Variants in NPAS3 observed in about 807,000 individuals in gnomAD.
NPAS3 encodes neuronal PAS domain protein 3.
In NPAS3, 14 loss-of-function variants were observed where a neutral mutation model predicts 73.1. That is an observed-to-expected ratio of 0.19 (90% CI 0.13 to 0.30). The LOEUF (loss-of-function observed/expected upper bound fraction) is 0.30. NPAS3 is among the 10% of genes least tolerant of loss of function. NPAS3 has a pLI of 1.00. For synonymous variants in NPAS3, 620 were observed against 541.5 expected (o/e 1.14, Z -2.01); for missense variants, 1,096 against 1,250.0 (o/e 0.88, Z 1.86).
At chr14:33,449,139 G>A (rs2049666494) in intron 4 of NPAS3, among the ~76,000 whole-genome samples, 2 of 152,190 alleles carry the variant, frequency 1.3e-5, no homozygotes, top group African/African-American at 4.8e-5. Flanking sequence ...ACCGAAAAGA[G>A]ACTGCAGGAG....
In NPAS3 at chr14:33,585,494, G is replaced by A. The variant is rs1202890789; in HGVS notation, c.558+25284G>A. On this transcript the variant is annotated intron_variant, in intron 5 of 11. Transcript: ENST00000356141. ...TTCCTCTCCCAAGTGGGGCAAATATGTAAAACTAAGTAACATCTCAAGGAG... is the reference window on the plus strand; with the variant it reads ...TTCCTCTCCCAAGTGGGGCAAATATATAAAACTAAGTAACATCTCAAGGAG... 2.6e-5 allele frequency among the ~76,000 whole-genome samples: 4 copies of A among 152,118 alleles called. No homozygotes were observed. In the East Asian group the frequency reaches 7.7e-4, roughly 29 times the overall value.
At chr14:32,935,318 T>A (rs2035662634), upstream of NPAS3, among the ~76,000 whole-genome samples, 3 of 152,156 alleles carry the variant, frequency 2.0e-5, no homozygotes, top group Admixed American at 2.0e-4. Flanking sequence ...AAGTTTAGGA[T>A]CCTCATCCCT....
At chr14:33,657,284 G>A (rs77279981) in intron 5 of NPAS3, among the ~76,000 whole-genome samples, 9,737 of 152,252 alleles carry the variant, frequency 0.064, 464 homozygotes, top group East Asian at 0.19. Flanking sequence ...CAGGGTCCCA[G>A]AGAGGAGAGA....
intron 2 of NPAS3, among the ~76,000 whole-genome samples, chr14:33,149,514 T>A (rs752256147): frequency 2.0e-5 from 3 of 152,220 alleles, no homozygotes; most frequent in Non-Finnish European, 2.9e-5. Context: ...GCAGTTGATA[T>A]CACAATTTGC....
At chr14:33,756,544 T>C (rs1000240281) in intron 7 of NPAS3, among the ~76,000 whole-genome samples, 1 of 152,194 alleles carries the variant, frequency 6.6e-6, no homozygotes, top group Non-Finnish European at 1.5e-5. Context: ...AATGTCAGAA[T>C]TATATTTTAG....
intron 1 of NPAS3, among the ~76,000 whole-genome samples, chr14:33,039,724 C>T (rs2040288592): frequency 6.6e-6 from 1 of 152,162 alleles, no homozygotes; most frequent in Admixed American, 6.5e-5. Flanking sequence ...TTGTAGTCGT[C>T]TTCTAATTAT....
intron 1 of NPAS3, among the ~76,000 whole-genome samples, chr14:33,039,306 T>G (rs562680136): frequency 6.6e-6 from 1 of 152,200 alleles, no homozygotes; most frequent in Non-Finnish European, 1.5e-5. Flanking sequence ...AGATACATTC[T>G]TGCTACCAAT....
At chr14:33,561,516 C>A (rs979913982) in intron 5 of NPAS3, among the ~76,000 whole-genome samples, 5 of 152,190 alleles carry the variant, frequency 3.3e-5, no homozygotes, top group Admixed American at 2.0e-4. Flanking sequence ...AGAAACCGAG[C>A]TTTTGTTAAC....
chr14:33,131,817 CTG>C (rs2043646509), intron 2 of NPAS3, among the ~76,000 whole-genome samples: 1 of 152,270 alleles, frequency 6.6e-6, no homozygotes, highest in African/African-American at 2.4e-5. Context: ...CCACAATAAA[CTG>C]TGTTATGCAC....
chr14:33,635,082 G>A (rs1595330794), intron 5 of NPAS3, among the ~76,000 whole-genome samples: 1 of 152,300 alleles, frequency 6.6e-6, no homozygotes, highest in South Asian at 2.1e-4. Flanking sequence ...GAAAAGCGGG[G>A]CCCAGGTAAG....
At chr14:33,712,412 G>C (rs1347250183) in intron 6 of NPAS3, among the ~76,000 whole-genome samples, 2 of 152,282 alleles carry the variant, frequency 1.3e-5, no homozygotes, top group African/African-American at 4.8e-5. Flanking sequence ...ATGCAAACAG[G>C]CTTCATACCC....
At chr14:33,691,126 T>C (rs1251746669) in intron 6 of NPAS3, among the ~76,000 whole-genome samples, 7 of 152,222 alleles carry the variant, frequency 4.6e-5, no homozygotes, top group African/African-American at 1.7e-4. Flanking sequence ...ATCAGACAGT[T>C]GTCAATCTGG....
chr14:33,419,018 A>T (rs1312643513), intron 4 of NPAS3, among the ~76,000 whole-genome samples: 1 of 151,980 alleles, frequency 6.6e-6, no homozygotes, highest in Non-Finnish European at 1.5e-5. Context: ...GATACACACA[A>T]AATTAATATG....
At chr14:33,491,848 G>A (rs2051913791) in intron 4 of NPAS3, among the ~76,000 whole-genome samples, 2 of 152,178 alleles carry the variant, frequency 1.3e-5, no homozygotes, top group African/African-American at 4.8e-5. Flanking sequence ...GCTTGTGAGT[G>A]TGTGTATGTG....
intron 4 of NPAS3, among the ~76,000 whole-genome samples, chr14:33,544,825 A>ATATATATAAT: frequency 0.022 from 2,518 of 111,980 alleles, 259 homozygotes; most frequent in African/African-American, 0.089. Context: ...TATATAATAT[A>ATATATATAAT]TATGTGTATA....
At chr14:33,654,315 C>CT (rs1189973859) in intron 5 of NPAS3, among the ~76,000 whole-genome samples, 2 of 152,078 alleles carry the variant, frequency 1.3e-5, no homozygotes, top group African/African-American at 4.8e-5. Flanking sequence ...TGGCTGCCCA[C>CT]TTATCAGGAT....
chr14:33,130,487 G>C (rs1413355784), intron 2 of NPAS3, among the ~76,000 whole-genome samples: 1 of 152,160 alleles, frequency 6.6e-6, no homozygotes, highest in African/African-American at 2.4e-5. Flanking sequence ...AATTAAGCAT[G>C]ATTAATCATT....
At chr14:33,144,434 C>G (rs1037172793) in intron 2 of NPAS3, among the ~76,000 whole-genome samples, 2 of 152,232 alleles carry the variant, frequency 1.3e-5, no homozygotes, top group Admixed American at 6.5e-5. Flanking sequence ...ACGTTTTCAT[C>G]AGTTGCTGAG....
intron 7 of NPAS3, among the ~76,000 whole-genome samples, chr14:33,746,560 A>G (rs939006595): frequency 6.6e-6 from 1 of 150,662 alleles, no homozygotes; most frequent in African/African-American, 2.4e-5. Flanking sequence ...TATTTGTAAC[A>G]CTATTATTCT....
Sources: allele counts gnomAD v4.1 joint callset (sites outside exome capture counted in the v4.1 genomes callset), GRCh38; gene constraint gnomAD v4.1.1; transcripts MANE v1.5; gene names NCBI Gene and HGNC (gene_info 2026-07-23, HGNC 2026-07-21).